The following HERC5 variants were observed in gnomAD, a reference collection of about 807,000 sequenced individuals.
HERC5 encodes E3 ISG15--protein ligase HERC5.
A neutral mutation model predicts 119.6 loss-of-function variants in HERC5; 99 were observed. That is an observed-to-expected ratio of 0.83 (90% CI 0.70 to 0.98). The LOEUF (loss-of-function observed/expected upper bound fraction) is 0.98, where lower values mean the gene tolerates loss of function less well. HERC5 is among the 50% of genes least tolerant of loss of function. The probability of loss-of-function intolerance (pLI) is 0.00; values close to 1 mark genes in which losing one functional copy is unlikely to be tolerated. For missense variants in HERC5, 1,267 were observed against 1,241.3 expected, an observed-to-expected ratio of 1.02 and a Z score of -0.31; for synonymous variants, 478 against 445.9, an observed-to-expected ratio of 1.07 and a Z score of -0.91.
rs58490237 is a variant in HERC5 at position 88,505,919 on chromosome 4, CGTTGTTGTTGTTGTT to C, written c.*54_*68del. On this transcript the variant is annotated 3_prime_UTR_variant, in exon 23 of 23. Transcript: ENST00000264350. The stretch of plus-strand genomic sequence containing the variant: ...AACAGCCTTATTTTGTTGTTGTTAT[CGTTGTTGTTGTTGTT>C]GTTGTTGTTGTTTCTCTACTTTGTT... The C allele has an allele frequency of 3.5e-6, 5 of 1,431,080 alleles. No homozygotes were observed. Among genetic ancestry groups the C allele is most frequent in the Non-Finnish European group, 4.8e-6 (5 of 1,036,038 alleles). The allele number at this position is 1,431,080 out of a possible 1,614,324, so 88.6% of individuals were successfully genotyped here.
chr4:88,495,509 G>A (rs546389698), intron 18 of HERC5, among the ~76,000 whole-genome samples: 1 of 152,234 alleles, frequency 6.6e-6, no homozygotes, highest in East Asian at 1.9e-4. Context: ...GCAGTGAGCC[G>A]TGATCATACC....
intron 2 of HERC5, 152 bp from the exon 3 acceptor site, chr4:88,459,943 T>TA (rs1740358581): frequency 2.0e-6 from 1 of 494,272 alleles, no homozygotes; most frequent in Non-Finnish European, 3.6e-6. Flanking sequence ...ACATAGTATT[T>TA]AAAAAATAAT....
At chr4:88,496,910 T>C (rs1312745408) in intron 18 of HERC5, among the ~76,000 whole-genome samples, 1 of 152,162 alleles carries the variant, frequency 6.6e-6, no homozygotes, top group Non-Finnish European at 1.5e-5. Flanking sequence ...TGTGGAGCCC[T>C]CATGAGTAGA....
chr4:88,464,038 T>C, intron 6 of HERC5, 53 bp downstream of exon 6: 1 of 1,463,006 alleles, frequency 6.8e-7, no homozygotes. Flanking sequence ...GCAAACTAGA[T>C]AGTAATTTAA....
intron 15 of HERC5, among the ~76,000 whole-genome samples, chr4:88,488,114 T>C (rs1298853637): frequency 6.6e-6 from 1 of 152,214 alleles, no homozygotes; most frequent in Non-Finnish European, 1.5e-5. Flanking sequence ...AAAAGAACTT[T>C]GTTTTGCTTC....
intron 13 of HERC5, among the ~76,000 whole-genome samples, chr4:88,481,170 A>C (rs1344260065): frequency 1.3e-5 from 2 of 152,102 alleles, no homozygotes; most frequent in African/African-American, 4.8e-5. Flanking sequence ...CTCCCACTTC[A>C]GCCTCCAAAG....
chr4:88,469,261 G>C lies in HERC5; in HGVS notation c.1238+1G>C. ...CTAAACGGTGGCAGAGCACAAAAAG[G>C]TACACCCCACAGTCTGACTCTCTGC... On this transcript the variant is annotated splice_donor_variant, in intron 9 of 22. Transcript: ENST00000264350. LOFTEE classifies it high-confidence loss of function. 6.3e-7 allele frequency: 1 copy of C among 1,594,222 alleles called. No individual in the cohort carries two copies. Among genetic ancestry groups the C allele is most frequent in the Non-Finnish European group, 8.6e-7 (1 of 1,162,008 alleles).
rs1449994475 is a variant in HERC5, at chr4:88,462,218, A to T, written c.550A>T (p.Ile184Phe). 6.2e-7 allele frequency: 1 copy of T among 1,614,204 alleles called. No homozygotes were observed. Among genetic ancestry groups the T allele is most frequent in the South Asian group, 1.1e-5 (1 of 91,082 alleles). The part of the protein sequence containing the change: ...RKFPSTTTPQ[I>F]VEHLAGVPLA... ...ATTTCCCTCAACCACCACACCACAG[A>T]TTGTGGAGCACCTCGCAGGAGTACC... Residue 184 changes from isoleucine to phenylalanine, a missense_variant, in exon 4 of 23, where the codon ATT (isoleucine) becomes TTT (phenylalanine). Transcript: ENST00000264350.
intron 20 of HERC5, 96 bp from the exon 21 acceptor site, chr4:88,504,132 TACTC>T: frequency 1.4e-6 from 1 of 696,348 alleles, no homozygotes. Flanking sequence ...ACATGGTAGG[TACTC>T]AATAACTGTT....
chr4:88,493,732 G>A (rs970080991), intron 17 of HERC5, among the ~76,000 whole-genome samples: 10 of 151,756 alleles, frequency 6.6e-5, no homozygotes, highest in Admixed American at 3.9e-4. Context: ...TCAGCCTGGC[G>A]GGATTACAAT....
chr4:88,485,683 A>G (rs552427016), intron 13 of HERC5, among the ~76,000 whole-genome samples: 70 of 152,246 alleles, frequency 4.6e-4, no homozygotes, highest in Admixed American at 8.5e-4. Flanking sequence ...TGATCATATC[A>G]TATGGGATGG....
chr4:88,461,870 T>C (rs1266003022), intron 3 of HERC5, among the ~76,000 whole-genome samples: 1 of 152,200 alleles, frequency 6.6e-6, no homozygotes, highest in Non-Finnish European at 1.5e-5. Context: ...GAATTTGATT[T>C]ATAATCAAAT....
intron 12 of HERC5, among the ~76,000 whole-genome samples, chr4:88,476,731 G>A (rs1741077040): frequency 6.6e-6 from 1 of 151,992 alleles, no homozygotes; most frequent in Non-Finnish European, 1.5e-5. Flanking sequence ...GACTAGCCTG[G>A]CCAACATGAC....
intron 8 of HERC5, among the ~76,000 whole-genome samples, chr4:88,468,896 T>C: frequency 6.6e-6 from 1 of 152,188 alleles, no homozygotes. Context: ...GATGTTCAGT[T>C]TAATTTGATT....
At chr4:88,478,666 C>T (rs902922448) in intron 12 of HERC5, among the ~76,000 whole-genome samples, 1 of 151,922 alleles carries the variant, frequency 6.6e-6, no homozygotes, top group Non-Finnish European at 1.5e-5. Context: ...GGTTGGAGTG[C>T]TCTGGCACAA....
chr4:88,502,090 G>A (rs1034338109), intron 20 of HERC5, among the ~76,000 whole-genome samples: 4 of 151,738 alleles, frequency 2.6e-5, no homozygotes, highest in African/African-American at 9.7e-5. Context: ...GAGCCACTGC[G>A]CCCGGCCTAT....
chr4:88,498,938 C>T (rs796613563), intron 18 of HERC5, among the ~76,000 whole-genome samples: 25 of 152,250 alleles, frequency 1.6e-4, no homozygotes, highest in African/African-American at 4.6e-4. Flanking sequence ...AACAGTTCAC[C>T]GCCTTCCCCA....
At chr4:88,501,178 G>A (rs1011684105) in intron 20 of HERC5, among the ~76,000 whole-genome samples, 193 bp downstream of exon 20, 2 of 152,120 alleles carry the variant, frequency 1.3e-5, no homozygotes, top group African/African-American at 4.8e-5. Flanking sequence ...GAATGGAAAT[G>A]GCTTTCTCAG....
intron 6 of HERC5, 146 bp from the exon 7 acceptor site, chr4:88,466,913 C>G (rs924994502): frequency 1.3e-6 from 1 of 798,218 alleles, no homozygotes; most frequent in Non-Finnish European, 2.0e-6. Context: ...ATGTTGATTT[C>G]TTGGTTTCCA....
Sources: allele counts gnomAD v4.1 joint callset (sites outside exome capture counted in the v4.1 genomes callset), GRCh38; gene constraint gnomAD v4.1.1; transcripts MANE v1.5; gene names NCBI Gene and HGNC (gene_info 2026-07-23, HGNC 2026-07-21).